Variants in CHD4 observed in about 807,000 individuals in gnomAD.
The protein encoded by CHD4 is ATP-dependent chromatin remodeler CHD4.
A neutral mutation model predicts 235.5 loss-of-function variants in CHD4; 35 were observed. The observed-to-expected ratio is 0.15, with a 90% confidence interval of 0.11 to 0.20. The LOEUF (loss-of-function observed/expected upper bound fraction) is 0.20, where lower values mean the gene tolerates loss of function less well. Among genes scored for constraint, CHD4 ranks in the 10% least tolerant of loss-of-function variants. CHD4 has a pLI of 1.00. For missense variants in CHD4, 1,329 were observed against 2,432.3 expected, an observed-to-expected ratio of 0.55 and a Z score of 9.54; for synonymous variants, 900 against 850.2, an observed-to-expected ratio of 1.06 and a Z score of -1.02.
At chr12:6,574,771 C>T (rs1948039516) in intron 37 of CHD4, among the ~76,000 whole-genome samples, 1 of 152,180 alleles carries the variant, frequency 6.6e-6, no homozygotes, top group South Asian at 2.1e-4. Flanking sequence ...TCTTAAATGA[C>T]AATTTAACTT....
At chr12:6,572,901 C>A (rs1459790968) in intron 38 of CHD4, 173 bp downstream of exon 38, 5 of 574,892 alleles carry the variant, frequency 8.7e-6, no homozygotes, top group East Asian at 3.5e-5. Flanking sequence ...CAAAGAACTA[C>A]TGTCCTTGAT....
intron 4 of CHD4, 27 bp downstream of exon 4, chr12:6,601,933 C>G: frequency 1.2e-6 from 2 of 1,605,888 alleles, no homozygotes; most frequent in Non-Finnish European, 1.7e-6. Context: ...TTTAACAGTA[C>G]AAAGAAGAGG....
At chr12:6,574,963 C>T (rs541388103) in intron 37 of CHD4, among the ~76,000 whole-genome samples, 31 of 152,278 alleles carry the variant, frequency 2.0e-4, no homozygotes, top group Admixed American at 4.6e-4. Context: ...AAAGTCAAAA[C>T]AAGACTATTT....
rs1592265960 is a variant in CHD4, at chr12:6,582,602, G to A, written c.4370+13C>T. 1 of 1,604,194 alleles carries A rather than the reference G, an allele frequency of 6.2e-7. No individual in the cohort carries two copies. The highest frequency in any genetic ancestry group is 1.3e-5 in the African/African-American group (1 of 74,658). On this transcript the variant is annotated intron_variant, in intron 29 of 39. Coordinates refer to ENST00000544040, the MANE Select transcript of CHD4 (RefSeq NM_001273.5). ...CCTTGCTCTAGATCAGTCCACTCCA[G>A]CCCTCAACTCACTTGAACTCTTTCT...
chr12:6,593,205 A>G lies in CHD4; in HGVS notation c.2538T>C (p.His846=). The G allele has an allele frequency of 6.2e-7, 1 of 1,614,182 alleles. No individual in the cohort carries two copies. Residue 846 remains histidine, a synonymous_variant, in exon 17 of 40, where the codon CAT becomes CAC. Coordinates refer to ENST00000544040, the MANE Select transcript of CHD4 (RefSeq NM_001273.5). This position sits in a 1 kb window ranked among gnomAD's most constrained non-coding sequence, Gnocchi z 4.9. The part of the protein sequence containing the change: ...RMKKEASVKF[H]VLLTSYELIT... ...TCAATTCATAGGATGTCAGCAGCACATGGAATTTCACAGATGCCTCTTTCT... is the reference window on the plus strand; with the variant it reads ...TCAATTCATAGGATGTCAGCAGCACGTGGAATTTCACAGATGCCTCTTTCT...
intron 33 of CHD4, chr12:6,579,134 G>A: frequency 2.5e-6 from 1 of 398,972 alleles, no homozygotes; most frequent in Non-Finnish European, 4.4e-6. Context: ...GGCCAACAAG[G>A]TGAACCCCAA....
chr12:6,596,249 G>T, intron 12 of CHD4, 112 bp from the exon 13 acceptor site: 1 of 1,353,144 alleles, frequency 7.4e-7, no homozygotes, highest in Non-Finnish European at 1.0e-6. Context: ...GTATGCCACA[G>T]ATCACACGTT....
In CHD4 at chr12:6,599,896, C is replaced by G. The variant is rs1435027508; in HGVS notation, c.1359G>C (p.Arg453=). The part of the protein sequence containing the change: ...EEDDHHMEFC[R]VCKDGGELLC... Reference sequence around the variant, plus strand: ...GCAGTTCCCCACCATCCTTGCAGACCCGACAGAATTCCATATGGTGGTCAT... The same window carrying G: ...GCAGTTCCCCACCATCCTTGCAGACGCGACAGAATTCCATATGGTGGTCAT... Residue 453 remains arginine, a synonymous_variant, in exon 10 of 40, where the codon CGG becomes CGC. Transcript: ENST00000544040. The G allele has an allele frequency of 6.2e-7, 1 of 1,614,020 alleles. No homozygotes were observed. Among genetic ancestry groups the G allele is most frequent in the Non-Finnish European group, 8.5e-7 (1 of 1,180,030 alleles).
In CHD4 at chr12:6,578,080, T is replaced by G; in HGVS notation, c.5177A>C (p.Tyr1726Ser). ...GTCATGCCGTCGATGCCAGATCTCATAAGTCTTCTTGGTAACTGTGGCTGC... is the reference window on the plus strand; with the variant it reads ...GTCATGCCGTCGATGCCAGATCTCAGAAGTCTTCTTGGTAACTGTGGCTGC... ...ERAATVTKKT[Y>S]EIWHRRHDYW... Residue 1726 changes from tyrosine (Y) to serine (S), a missense_variant, in exon 36 of 40, where the codon TAT (tyrosine) becomes TCT (serine). This residue lies in a region of CHD4 where 135 missense variants were observed against 282.3 expected (regional missense o/e 0.48). Coordinates refer to ENST00000544040, the MANE Select transcript of CHD4 (RefSeq NM_001273.5). 1 of 1,613,392 alleles carries G rather than the reference T, an allele frequency of 6.2e-7. No homozygotes were observed. The highest frequency in any genetic ancestry group is 8.5e-7 in the Non-Finnish European group (1 of 1,180,038).
chr12:6,599,704 C>T (rs1482467766), intron 10 of CHD4, 69 bp downstream of exon 10: 1 of 1,595,150 alleles, frequency 6.3e-7, no homozygotes, highest in Non-Finnish European at 8.6e-7. Flanking sequence ...GCACCCCAGC[C>T]TCACAATAGC....
chr12:6,585,174 A>G (rs1010317689), intron 25 of CHD4, among the ~76,000 whole-genome samples: 1 of 152,190 alleles, frequency 6.6e-6, no homozygotes, highest in African/African-American at 2.4e-5. Flanking sequence ...ACCCCTCTAT[A>G]TCATTTAGGA....
intron 25 of CHD4, chr12:6,584,267 T>C (rs1948243476): frequency 6.6e-6 from 1 of 152,196 alleles, no homozygotes; most frequent in African/African-American, 2.4e-5. Flanking sequence ...TGTATGAATA[T>C]ATGTATAATT....
chr12:6,594,480 G>A lies in CHD4; in HGVS notation c.2292C>T (p.Phe764=), dbSNP rs1044079559. ...TTACCTCCTTGTAAAGGGAATACAGGAAGACTGCTGTCTGTACAGTTTTCC... is the reference window on the plus strand; with the variant it reads ...TTACCTCCTTGTAAAGGGAATACAGAAAGACTGCTGTCTGTACAGTTTTCC... ...GLGKTVQTAV[F]LYSLYKEGHS... is the part of the protein sequence containing the mutation. Residue 764 remains phenylalanine, a synonymous_variant, in exon 15 of 40, where the codon TTC becomes TTT. Transcript: ENST00000544040. The A allele has an allele frequency of 9.9e-6, 16 of 1,611,356 alleles. No homozygotes were observed. The highest frequency in any genetic ancestry group is 1.4e-5 in the Non-Finnish European group (16 of 1,178,956).
rs1948557586 is a variant in CHD4 at position 6,599,718 on chromosome 12, C to A, written c.1482+55G>T. On this transcript the variant is annotated intron_variant, in intron 10 of 39. Coordinates refer to ENST00000544040, the MANE Select transcript of CHD4 (RefSeq NM_001273.5). ...TGCACCCCAGCCTCACAATAGCCTA[C>A]ATAGAAAAGACTACACTTTCCCATT... The A allele has an allele frequency of 1.4e-5, 22 of 1,609,778 alleles. No individual in the cohort carries two copies. The Admixed American group carries it at 3.2e-4, about 23-fold the overall frequency.
intron 12 of CHD4, among the ~76,000 whole-genome samples, chr12:6,596,427 A>G (rs557186241): frequency 9.2e-5 from 14 of 151,596 alleles, no homozygotes; most frequent in African/African-American, 3.1e-4. Flanking sequence ...AGGCAGGCAG[A>G]TCGCTTGAGG....
Position 6,600,657 on chromosome 12 carries a change from C to T in CHD4, c.940G>A (p.Asp314Asn). Reference sequence around the variant, plus strand: ...TCGAAGTCAGATTCCACATCTAAGTCATCATCCTCACTCTGGCAGGATGAA... The same window carrying T: ...TCGAAGTCAGATTCCACATCTAAGTTATCATCCTCACTCTGGCAGGATGAA... Reference protein sequence around the residue: ...KRKRSSSEDDDLDVESDFDDA... With the variant: ...KRKRSSSEDDNLDVESDFDDA... The change falls in exon 8 of 40, where the codon GAC becomes AAC. Residue 314 changes from aspartate (D) to asparagine (N), a missense_variant. By Grantham distance (23) the Asp-to-Asn change is conservative. Around this residue, in one of 26 missense-constraint regions of CHD4, gnomAD observed 160 missense variants for 196.6 expected, o/e 0.81. Coordinates refer to ENST00000544040, the MANE Select transcript of CHD4 (RefSeq NM_001273.5). The T allele has an allele frequency of 6.2e-7, 1 of 1,614,072 alleles. No individual in the cohort carries two copies. Among genetic ancestry groups the T allele is most frequent in the Non-Finnish European group, 8.5e-7 (1 of 1,180,024 alleles).
At chr12:6,585,559 G>C (rs1948271691) in intron 25 of CHD4, among the ~76,000 whole-genome samples, 1 of 151,978 alleles carries the variant, frequency 6.6e-6, no homozygotes, top group Non-Finnish European at 1.5e-5. Context: ...TGGGATTACA[G>C]GCGTGAGCCA....
chr12:6,601,221 T>C, intron 6 of CHD4, 68 bp downstream of exon 6: 1 of 1,580,498 alleles, frequency 6.3e-7, no homozygotes, highest in East Asian at 2.3e-5. Context: ...AGACCAGCAT[T>C]CCCATGCTGT....
At chr12:6,577,422 A>AC (rs1210978474) in intron 37 of CHD4, among the ~76,000 whole-genome samples, 1 of 139,776 alleles carries the variant, frequency 7.2e-6, no homozygotes, top group Admixed American at 6.9e-5. Flanking sequence ...TGCCTCAAAA[A>AC]AAAAAAAAAA....
Sources: allele counts gnomAD v4.1 joint callset (sites outside exome capture counted in the v4.1 genomes callset), GRCh38; gene constraint gnomAD v4.1.1; regional missense constraint gnomAD v4.1.1; non-coding constraint Gnocchi (gnomAD v3.1); transcripts MANE v1.5; gene names NCBI Gene and HGNC (gene_info 2026-07-23, HGNC 2026-07-21).